The following FSHR variants were observed in gnomAD, a reference collection of about 807,000 sequenced individuals.
FSHR encodes the protein follicle stimulating hormone receptor, also known as follicle-stimulating hormone receptor.
FSHR carries 46 observed loss-of-function variants against 52.1 expected under a neutral mutation model. The ratio of observed to expected loss-of-function variants is 0.88; its 90% confidence interval spans 0.70 to 1.13. FSHR has a LOEUF of 1.13. FSHR is among the 50% of genes most tolerant of loss of function. The pLI is 0.00. For missense variants in FSHR, 964 were observed against 834.6 expected (o/e 1.16, Z -1.91); for synonymous variants, 399 against 309.6 (o/e 1.29, Z -3.03).
chr2:48,975,200 C>A (rs939201048), intron 8 of FSHR, among the ~76,000 whole-genome samples: 1 of 152,094 alleles, frequency 6.6e-6, no homozygotes, highest in African/African-American at 2.4e-5. Flanking sequence ...TATGCCCTCA[C>A]CCAGAAGCTG....
chr2:49,112,069 A>G (rs1023306825), intron 1 of FSHR, among the ~76,000 whole-genome samples: 3 of 152,130 alleles, frequency 2.0e-5, no homozygotes, highest in East Asian at 1.9e-4. Context: ...TTTTCACCTC[A>G]TGGTGTCACT....
At chr2:49,128,800 A>G (rs1388003413) in intron 1 of FSHR, among the ~76,000 whole-genome samples, 2 of 152,178 alleles carry the variant, frequency 1.3e-5, no homozygotes, top group Non-Finnish European at 2.9e-5. Flanking sequence ...AGCTCTGGAA[A>G]AACTCGGACA....
chr2:49,104,672 A>G (rs1671160279), intron 1 of FSHR, among the ~76,000 whole-genome samples: 1 of 152,118 alleles, frequency 6.6e-6, no homozygotes, highest in African/African-American at 2.4e-5. Flanking sequence ...AGATGACAAG[A>G]ATGTAAAGAG....
At chr2:48,973,937 C>CAGATATTATTGAG (rs61107875) in intron 8 of FSHR, among the ~76,000 whole-genome samples, 1 of 151,822 alleles carries the variant, frequency 6.6e-6, no homozygotes, top group Non-Finnish European at 1.5e-5. Flanking sequence ...GCCCTGAGAG[C>CAGATATTATTGAG]AGGCTTTTGT....
In FSHR at chr2:49,132,105, A is replaced by G. The variant is rs751026857; in HGVS notation, c.152+22161T>C. 3.3e-5 allele frequency among the ~76,000 whole-genome samples: 5 copies of G among 152,328 alleles called. No homozygotes were observed. In the South Asian group the frequency reaches 1.0e-3, roughly 32 times the overall value. ...CATCCTTGGCTCTTAAATCCCAGCA[A>G]GTGGCTGTATACACTGTTTAAGTGT... On this transcript the variant is annotated intron_variant, in intron 1 of 9. Coordinates refer to ENST00000406846, the MANE Select transcript of FSHR (RefSeq NM_000145.4).
intron 9 of FSHR, among the ~76,000 whole-genome samples, chr2:48,968,385 G>C (rs935812048): frequency 1.3e-5 from 2 of 152,222 alleles, no homozygotes; most frequent in Admixed American, 1.3e-4. Context: ...TGGTACAAAG[G>C]AAAGAGGGAA....
chr2:49,007,414 C>A (rs1667109855), intron 4 of FSHR, among the ~76,000 whole-genome samples: 2 of 152,030 alleles, frequency 1.3e-5, no homozygotes, highest in African/African-American at 4.8e-5. Flanking sequence ...AAATGGGAAG[C>A]ATTATTCAAC....
At chr2:49,038,105 C>T (rs1363292760) in intron 2 of FSHR, among the ~76,000 whole-genome samples, 1 of 151,954 alleles carries the variant, frequency 6.6e-6, no homozygotes, top group African/African-American at 2.4e-5. Flanking sequence ...TTACAGTCAG[C>T]TCAGATTTAT....
At chr2:48,997,315 G>A in intron 4 of FSHR, 3 of 984,634 alleles carry the variant, frequency 3.0e-6, no homozygotes, top group African/African-American at 1.7e-5. Context: ...TATTTAACTG[G>A]AACTCTTTGT....
rs552585544 is a variant in FSHR, at chr2:49,022,534, G to A, written c.225-2374C>T. On this transcript the variant is annotated intron_variant, in intron 2 of 9. Coordinates refer to ENST00000406846, the MANE Select transcript of FSHR (RefSeq NM_000145.4). ...TATTATAATTTATTGGGTGTTTACC[G>A]TTTATCAGCCACTTTACCTACATAC... Among the ~76,000 whole-genome samples, 9 of 152,182 alleles carry A rather than the reference G, an allele frequency of 5.9e-5. No homozygotes were observed. In the South Asian group the frequency reaches 1.2e-3, roughly 21 times the overall value.
intron 1 of FSHR, among the ~76,000 whole-genome samples, chr2:49,082,073 C>T (rs531092605): frequency 8.5e-5 from 13 of 152,262 alleles, no homozygotes; most frequent in South Asian, 2.1e-4. Context: ...CCAGCGTGAG[C>T]GACACAGAAG....
At chr2:49,044,278 G>A (rs12614817) in intron 2 of FSHR, among the ~76,000 whole-genome samples, 78,537 of 151,924 alleles carry the variant, frequency 0.52, 21,293 homozygotes, top group East Asian at 0.73. Flanking sequence ...TCACATTTTC[G>A]GTTGGTGAGG....
intron 1 of FSHR, among the ~76,000 whole-genome samples, chr2:49,089,852 T>G (rs1318769521): frequency 6.6e-6 from 1 of 152,198 alleles, no homozygotes; most frequent in Non-Finnish European, 1.5e-5. Context: ...CTAGTGATGA[T>G]GCAGATTTAC....
chr2:49,127,749 T>C (rs1332794120), intron 1 of FSHR, among the ~76,000 whole-genome samples: 2 of 113,910 alleles, frequency 1.8e-5, no homozygotes, highest in Non-Finnish European at 3.7e-5. Flanking sequence ...TTCTTCTTCT[T>C]CTTTCTTCTT....
At chr2:49,003,784 C>G (rs2104155071) in intron 4 of FSHR, among the ~76,000 whole-genome samples, 1 of 151,230 alleles carries the variant, frequency 6.6e-6, no homozygotes, top group Non-Finnish European at 1.5e-5. Flanking sequence ...CCCCCACCCC[C>G]ACCCCTTGGA....
intron 9 of FSHR, 88 bp from the exon 10 acceptor site, chr2:48,964,054 A>G: frequency 3.6e-6 from 5 of 1,376,750 alleles, no homozygotes; most frequent in Non-Finnish European, 5.0e-6. Flanking sequence ...AGAAATGATG[A>G]GTTTCTTCCT....
rs576971716 is a variant in FSHR at position 48,968,680 on chromosome 2, C to T, written c.854+18G>A. On this transcript the variant is annotated intron_variant, in intron 9 of 9. Transcript: ENST00000406846. ...ACATTGGGGAAATGCCTGAGCAGGGCTTAAAGGATGGACTCACATTTGCCG... is the reference window on the plus strand; with the variant it reads ...ACATTGGGGAAATGCCTGAGCAGGGTTTAAAGGATGGACTCACATTTGCCG... 6.2e-7 allele frequency: 1 copy of T among 1,613,634 alleles called. No individual in the cohort carries two copies. The highest frequency in any genetic ancestry group is 8.5e-7 in the Non-Finnish European group (1 of 1,179,696).
intron 2 of FSHR, among the ~76,000 whole-genome samples, chr2:49,023,846 G>A (rs756305219): frequency 2.6e-5 from 4 of 152,280 alleles, no homozygotes; most frequent in African/African-American, 7.2e-5. Flanking sequence ...GCTTCCATGA[G>A]GTACTGGGGG....
At chr2:49,113,744 G>C (rs1671506297) in intron 1 of FSHR, among the ~76,000 whole-genome samples, 1 of 152,134 alleles carries the variant, frequency 6.6e-6, no homozygotes, top group Admixed American at 6.6e-5. Flanking sequence ...AGTGGTTTCT[G>C]AATTTAAACT....
Sources: gnomAD v4.1 joint callset for allele counts (sites outside exome capture counted in the v4.1 genomes callset) on GRCh38, gnomAD v4.1.1 for gene constraint, MANE v1.5 for transcripts, NCBI Gene and HGNC (gene_info 2026-07-23, HGNC 2026-07-21) for gene names.